ASPRV1: variants seen among roughly 807,000 people sequenced by gnomAD.
The protein encoded by ASPRV1 is retroviral-like aspartic protease 1.
In ASPRV1, 7 loss-of-function variants were observed where a neutral mutation model predicts 11.0. The ratio of observed to expected loss-of-function variants is 0.64; its 90% CI spans 0.36 to 1.20. ASPRV1 has a LOEUF of 1.20. ASPRV1 is among the 50% of genes most tolerant of loss of function. The pLI is 0.02. For synonymous variants in ASPRV1, 136 were observed against 138.4 expected (o/e 0.98, Z 0.12); for missense variants, 299 against 320.0 (o/e 0.93, Z 0.50).
chr2:69,997,202 A>AG, the ASPRV1 span, among the ~76,000 whole-genome samples: 1 of 151,498 alleles, frequency 6.6e-6, no homozygotes, highest in African/African-American at 2.4e-5. Flanking sequence ...AAAAAAAAAA[A>AG]AAATGGACGC....
At chr2:69,947,825 G>A in the ASPRV1 span, among the ~76,000 whole-genome samples, 5 of 152,118 alleles carry the variant, frequency 3.3e-5, no homozygotes, top group Admixed American at 6.5e-5. Flanking sequence ...GTGCCCCAGG[G>A]CTGGAAATAA....
chr2:70,019,578 T>C, the ASPRV1 span, among the ~76,000 whole-genome samples: 1 of 152,156 alleles, frequency 6.6e-6, no homozygotes, highest in African/African-American at 2.4e-5. Flanking sequence ...GTACCATTCA[T>C]CCTTTAAAAG....
At chr2:69,941,536 T>C in the ASPRV1 span, 1 of 152,228 alleles carries the variant, frequency 6.6e-6, no homozygotes, top group Admixed American at 6.5e-5. Context: ...GAACATTAAG[T>C]AGGCCCTCGT....
chr2:69,992,671 T>C, the ASPRV1 span, among the ~76,000 whole-genome samples: 1 of 152,240 alleles, frequency 6.6e-6, no homozygotes. Flanking sequence ...CCCTACTCCA[T>C]TCTCGCCTTG....
downstream of ASPRV1, among the ~76,000 whole-genome samples, chr2:69,959,126 T>G (rs927937153): frequency 3.3e-5 from 5 of 152,164 alleles, no homozygotes; most frequent in Non-Finnish European, 7.3e-5. Context: ...GCTTCACTCC[T>G]GCCTTCTGTC....
rs199781771 is a variant in ASPRV1 at position 69,961,233 on chromosome 2, C to A, written c.204G>T (p.Arg68Ser). Reference sequence around the variant, plus strand: ...AGTCTCCCTGGTCCTGGGGACTGAGCCTATTGTAGACACCCAGGGCCTCTC... The same window carrying A: ...AGTCTCCCTGGTCCTGGGGACTGAGACTATTGTAGACACCCAGGGCCTCTC... Reference protein sequence around the residue: ...LRGEALGVYNRLSPQDQGDYG... With the variant: ...LRGEALGVYNSLSPQDQGDYG... Residue 68 changes from arginine to serine, a missense_variant, in exon 1 of 1, where the codon AGG (arginine) becomes AGT (serine). Coordinates refer to ENST00000320256, the MANE Select transcript of ASPRV1 (RefSeq NM_152792.4). 1.7e-4 allele frequency: 278 copies of A among 1,613,940 alleles called. No homozygotes were observed. Among genetic ancestry groups the A allele is most frequent in the Admixed American group, 3.5e-4 (21 of 59,990 alleles).
At chr2:70,065,114 CA>C in the ASPRV1 span, among the ~76,000 whole-genome samples, 8 of 143,914 alleles carry the variant, frequency 5.6e-5, no homozygotes, top group South Asian at 1.8e-3. Context: ...CAAAACAAAA[CA>C]AAAAAAAGGC....
chr2:70,052,330 A>G, the ASPRV1 span, among the ~76,000 whole-genome samples: 2 of 152,310 alleles, frequency 1.3e-5, no homozygotes, highest in East Asian at 3.9e-4. Context: ...TTTATTCTGT[A>G]TTTATTGACA....
At chr2:70,027,465 G>A in the ASPRV1 span, among the ~76,000 whole-genome samples, 1 of 152,208 alleles carries the variant, frequency 6.6e-6, no homozygotes, top group South Asian at 2.1e-4. Flanking sequence ...GTTTACTGCA[G>A]CAGCAGTCAC....
At chr2:70,078,363 G>C in the ASPRV1 span, among the ~76,000 whole-genome samples, 3 of 152,128 alleles carry the variant, frequency 2.0e-5, no homozygotes, top group Non-Finnish European at 4.4e-5. Context: ...ATAAATACTT[G>C]CTAAATAATG....
chr2:70,030,860 T>A, the ASPRV1 span: 1 of 152,156 alleles, frequency 6.6e-6, no homozygotes, highest in Non-Finnish European at 1.5e-5. Flanking sequence ...ATTCATTCAA[T>A]AAACATATGC....
the ASPRV1 span, among the ~76,000 whole-genome samples, chr2:70,076,583 A>T: frequency 2.6e-5 from 4 of 152,336 alleles, no homozygotes; most frequent in Non-Finnish European, 4.4e-5. Flanking sequence ...TGATGAGGTT[A>T]CATCTCGAAT....
chr2:69,987,257 G>A, the ASPRV1 span, among the ~76,000 whole-genome samples: 2 of 151,952 alleles, frequency 1.3e-5, no homozygotes, highest in African/African-American at 4.8e-5. Context: ...CAGAAGCCGC[G>A]ATGTTCCCCA....
the ASPRV1 span, among the ~76,000 whole-genome samples, chr2:70,062,968 T>C: frequency 0.16 from 25,044 of 152,006 alleles, 2,742 homozygotes; most frequent in Non-Finnish European, 0.24. Flanking sequence ...CTCTCTTAGG[T>C]TGGTTTTCCC....
the ASPRV1 span, among the ~76,000 whole-genome samples, chr2:70,077,940 G>T: frequency 6.6e-6 from 1 of 152,078 alleles, no homozygotes; most frequent in East Asian, 1.9e-4. Context: ...GGCGGAGGTG[G>T]GGTGGATCAT....
At chr2:69,938,055 G>T in the ASPRV1 span, 1 of 1,591,072 alleles carries the variant, frequency 6.3e-7, no homozygotes, top group South Asian at 1.1e-5. Flanking sequence ...GCTTTCTGCA[G>T]AGCGCTTTCA....
chr2:69,952,748 A>G, the ASPRV1 span, among the ~76,000 whole-genome samples: 2 of 151,912 alleles, frequency 1.3e-5, no homozygotes, highest in African/African-American at 4.8e-5. Context: ...ACCTTTACTC[A>G]CTAGATGCCA....
chr2:69,988,635 T>G, the ASPRV1 span: 1 of 376,296 alleles, frequency 2.7e-6, no homozygotes, highest in Non-Finnish European at 5.3e-6. Context: ...TAAATATACT[T>G]AATGTCACTG....
chr2:70,060,597 G>T, the ASPRV1 span, among the ~76,000 whole-genome samples: 1 of 152,118 alleles, frequency 6.6e-6, no homozygotes, highest in East Asian at 1.9e-4. Context: ...TGGATCACCT[G>T]AGGTCAGGAG....
Sources: gnomAD v4.1 joint callset for allele counts (sites outside exome capture counted in the v4.1 genomes callset) on GRCh38, gnomAD v4.1.1 for gene constraint, MANE v1.5 for transcripts, NCBI Gene and HGNC (gene_info 2026-07-23, HGNC 2026-07-21) for gene names.